Variants in RBL2 observed in about 807,000 individuals in gnomAD.
RBL2 encodes the protein retinoblastoma-like protein 2.
A neutral mutation model predicts 126.0 loss-of-function variants in RBL2; 56 were observed. The observed-to-expected ratio is 0.44, with a 90% confidence interval of 0.36 to 0.56. RBL2 has a LOEUF of 0.56. Among genes scored for constraint, RBL2 ranks in the 20% least tolerant of loss-of-function variants. RBL2 has a pLI of 0.00. For missense variants in RBL2, 1,229 were observed against 1,398.2 expected (o/e 0.88, Z 1.93); for synonymous variants, 454 against 478.5 (o/e 0.95, Z 0.67).
intron 9 of RBL2, among the ~76,000 whole-genome samples, chr16:53,460,342 A>T (rs918102678): frequency 1.3e-5 from 2 of 152,212 alleles, no homozygotes; most frequent in African/African-American, 4.8e-5. Context: ...CCCTATATGT[A>T]CACATAAGTA....
chr16:53,441,901 A>G (rs1598087969), intron 2 of RBL2, among the ~76,000 whole-genome samples: 1 of 151,806 alleles, frequency 6.6e-6, no homozygotes, highest in African/African-American at 2.4e-5. Context: ...GCTCACTGCA[A>G]CCTCCGCCTC....
Position 53,480,823 on chromosome 16 carries a change from T to A in RBL2, c.3084+54T>A. 2.6e-6 allele frequency: 4 copies of A among 1,530,568 alleles called. No homozygotes were observed. In the South Asian group the frequency reaches 4.6e-5, roughly 18 times the overall value. The allele number at this position is 1,530,568 out of a possible 1,614,324, so 94.8% of individuals were successfully genotyped here. Reference sequence around the variant, plus strand: ...TTTTTCACTCATGAGTGTTGAGGAATCATTTATGATTTATATATGGACCAT... The same window carrying A: ...TTTTTCACTCATGAGTGTTGAGGAAACATTTATGATTTATATATGGACCAT... On this transcript the variant is annotated intron_variant, in intron 20 of 21. Coordinates refer to ENST00000262133, the MANE Select transcript of RBL2 (RefSeq NM_005611.4).
At chr16:53,451,172 T>C (rs184532998) in intron 4 of RBL2, among the ~76,000 whole-genome samples, 8 of 152,232 alleles carry the variant, frequency 5.3e-5, no homozygotes, top group African/African-American at 1.9e-4. Flanking sequence ...ATGGCATTTT[T>C]AGTAAAGTTA....
intron 9 of RBL2, 104 bp from the exon 10 acceptor site, chr16:53,461,637 C>T (rs1050510104): frequency 1.4e-5 from 10 of 713,280 alleles, no homozygotes; most frequent in Non-Finnish European, 2.0e-5. Context: ...AGTTTCTGTT[C>T]AGAGTGTTTT....
intron 21 of RBL2, 69 bp downstream of exon 21, chr16:53,481,904 GC>G: frequency 6.7e-7 from 1 of 1,503,594 alleles, no homozygotes; most frequent in Non-Finnish European, 9.2e-7. Flanking sequence ...CAGGGTTTGT[GC>G]TAAGCTTAGG....
chr16:53,442,006 G>C (rs536027581), intron 2 of RBL2, among the ~76,000 whole-genome samples: 10 of 152,178 alleles, frequency 6.6e-5, no homozygotes, highest in Middle Eastern at 3.4e-3. Context: ...ATTTTTAGTA[G>C]AGATCGGGTT....
In RBL2 at chr16:53,459,712, AT is replaced by A. The variant is rs1195239496; in HGVS notation, c.1346+96del. 3.3e-6 allele frequency: 4 copies of A among 1,220,198 alleles called. No individual in the cohort carries two copies. In the African/African-American group the frequency reaches 4.6e-5, roughly 14 times the overall value. The allele number at this position is 1,220,198 out of a possible 1,614,324, so 75.6% of individuals were successfully genotyped here. On this transcript the variant is annotated intron_variant, in intron 9 of 21. Coordinates refer to ENST00000262133, the MANE Select transcript of RBL2 (RefSeq NM_005611.4). Reference sequence around the variant, plus strand: ...TATTAATGCCTTAATTCACCCATGAATAATTTTTTATCAATTGTATACTCAG... The same window carrying A: ...TATTAATGCCTTAATTCACCCATGAAAATTTTTTATCAATTGTATACTCAG...
chr16:53,459,546 C>A lies in RBL2; in HGVS notation c.1275C>A (p.Ser425Arg), dbSNP rs768908408. 11 of 1,609,354 alleles carry A rather than the reference C, an allele frequency of 6.8e-6. No individual in the cohort carries two copies. Among genetic ancestry groups the A allele is most frequent in the African/African-American group, 2.7e-5 (2 of 74,518 alleles). The change falls in exon 9 of 22, where the codon AGC becomes AGA. Residue 425 changes from serine to arginine, a missense_variant. Transcript: ENST00000262133. The stretch of plus-strand genomic sequence containing the variant: ...CTCCAGTTTCTACAGCTACGCATAG[C>A]TTGAGTCGTCTTCACACCATGCTGA... ...CVTPVSTATH[S>R]LSRLHTMLTG...
Position 53,459,492 on chromosome 16 carries a change from G to A in RBL2, c.1221G>A (p.Arg407=), listed in dbSNP as rs752303360. 2.5e-6 allele frequency: 4 copies of A among 1,613,218 alleles called. No homozygotes were observed. Among genetic ancestry groups the A allele is most frequent in the Admixed American group, 1.7e-5 (1 of 59,870 alleles). The change falls in exon 9 of 22, where the codon AGG becomes AGA. Residue 407 remains arginine (R), a synonymous_variant. Coordinates refer to ENST00000262133, the MANE Select transcript of RBL2 (RefSeq NM_005611.4). The part of the protein sequence containing the change: ...LRISTPLTGV[R]YIKENSPCVT... ...TCTCCACACCACTAACTGGTGTTAG[G>A]TACATTAAGGAGAATAGCCCTTGTG...
chr16:53,470,124 C>T lies in RBL2; in HGVS notation c.2184C>T (p.Val728=). 1 of 1,612,576 alleles carries T rather than the reference C, an allele frequency of 6.2e-7. No individual in the cohort carries two copies. The highest frequency in any genetic ancestry group is 1.3e-5 in the African/African-American group (1 of 75,036). The stretch of plus-strand genomic sequence containing the variant: ...CACCAGTTCCTGGACAGACTTTGGT[C>T]ACCATGGCAACCGCCACTGTCACAG... ...SVTPVPGQTL[V]TMATATVTAN... The change falls in exon 15 of 22, where the codon GTC becomes GTT. Residue 728 remains valine, a synonymous_variant. Transcript: ENST00000262133.
chr16:53,450,842 A>G (rs1467648812), intron 4 of RBL2, among the ~76,000 whole-genome samples: 1 of 152,144 alleles, frequency 6.6e-6, no homozygotes, highest in East Asian at 1.9e-4. Flanking sequence ...TTTTAAAAAT[A>G]TGTGTATGAG....
At position 53,481,652 on chromosome 16, in the gene RBL2, A is replaced by ATT. The variant is rs35715791; in HGVS notation, c.3085-8_3085-7dup. The ATT allele has an allele frequency of 3.0e-5, 34 of 1,137,878 alleles. No homozygotes were observed. The highest frequency in any genetic ancestry group is 2.1e-4 in the Middle Eastern group (1 of 4,678). The allele number at this position is 1,137,878 out of a possible 1,614,324, so 70.5% of individuals were successfully genotyped here. On this transcript the variant is annotated intron_variant, in intron 20 of 21. Transcript: ENST00000262133. Reference sequence around the variant, plus strand: ...ATAAATTTTTTTCTTAGAATTACTGATTTTTTTTTTTTAAACAGATGGATG... The same window carrying ATT: ...ATAAATTTTTTTCTTAGAATTACTGATTTTTTTTTTTTTTAAACAGATGGATG...
At chr16:53,476,643 C>T (rs1207557483) in intron 17 of RBL2, among the ~76,000 whole-genome samples, 7 of 152,156 alleles carry the variant, frequency 4.6e-5, no homozygotes, top group Admixed American at 6.5e-5. Context: ...TGTCACTTTT[C>T]GCTTCAGGTA....
Position 53,451,781 on chromosome 16 carries a change from A to G in RBL2, c.716A>G (p.Asn239Ser), listed in dbSNP as rs757578853. ...TGTGCTTTGGACTTAGTTTATGGAA[A>G]TGCACTTCAGTGTTCTAATCGTAAA... The part of the protein sequence containing the change: ...LLCALDLVYG[N>S]ALQCSNRKEL... Residue 239 changes from asparagine (N) to serine (S), a missense_variant, in exon 5 of 22, where the codon AAT (asparagine) becomes AGT (serine). Physicochemically the swap from Asn to Ser is conservative, Grantham distance 46 (BLOSUM62 1). Transcript: ENST00000262133. 6.2e-7 allele frequency: 1 copy of G among 1,613,812 alleles called. No individual in the cohort carries two copies. The highest frequency in any genetic ancestry group is 1.1e-5 in the South Asian group (1 of 91,084).
chr16:53,473,523 T>G (rs1383944621), intron 17 of RBL2, among the ~76,000 whole-genome samples: 1 of 151,342 alleles, frequency 6.6e-6, no homozygotes, highest in African/African-American at 2.4e-5. Flanking sequence ...ATCCAGCAAC[T>G]TTGCAGAAGT....
intron 19 of RBL2, chr16:53,480,200 T>TA: frequency 1.8e-6 from 1 of 545,424 alleles, no homozygotes; most frequent in South Asian, 2.4e-5. Flanking sequence ...CCAGGAGAAT[T>TA]AGAGCTTTCA....
intron 20 of RBL2, chr16:53,481,402 T>C: frequency 3.2e-6 from 1 of 317,446 alleles, no homozygotes; most frequent in Non-Finnish European, 5.7e-6. Flanking sequence ...ATATATAAAA[T>C]GGGAATATAA....
At chr16:53,452,930 A>G (rs2153141219) in intron 5 of RBL2, among the ~76,000 whole-genome samples, 1 of 152,282 alleles carries the variant, frequency 6.6e-6, no homozygotes, top group Admixed American at 6.5e-5. Flanking sequence ...TTGGCCTCCC[A>G]AAGTGGATTA....
rs900691043 is a variant in RBL2, at chr16:53,490,461, T to A, written c.*161T>A. 4 of 504,328 alleles carry A rather than the reference T, an allele frequency of 7.9e-6. No individual in the cohort carries two copies. The highest frequency in any genetic ancestry group is 7.9e-5 in the African/African-American group (4 of 50,806). The allele number at this position is 504,328 out of a possible 1,614,324, so 31.2% of individuals were successfully genotyped here. The stretch of plus-strand genomic sequence containing the variant: ...AGAAATGGGACTTAACTCCTTCCAG[T>A]GTCCTTAGAACATTTTAATTCATCC... On this transcript the variant is annotated 3_prime_UTR_variant, in exon 22 of 22. Transcript: ENST00000262133.
Sources: gnomAD v4.1 joint callset for allele counts (sites outside exome capture counted in the v4.1 genomes callset) on GRCh38, gnomAD v4.1.1 for gene constraint, MANE v1.5 for transcripts, NCBI Gene and HGNC (gene_info 2026-07-23, HGNC 2026-07-21) for gene names.